Variants in NRAP observed in about 807,000 individuals in gnomAD.
NRAP encodes nebulin related anchoring protein.
Under a neutral mutation model 225.9 loss-of-function variants are expected in NRAP, and 189 were observed. That is an observed-to-expected ratio of 0.84 (90% confidence interval 0.74 to 0.94). The LOEUF (loss-of-function observed/expected upper bound fraction) is 0.94. NRAP is among the 40% of genes least tolerant of loss of function. NRAP has a pLI of 0.00. For missense variants in NRAP, 2,176 were observed against 2,168.7 expected, an observed-to-expected ratio of 1.00 and a Z score of -0.07; for synonymous variants, 769 against 790.7, an observed-to-expected ratio of 0.97 and a Z score of 0.46.
intron 38 of NRAP, among the ~76,000 whole-genome samples, chr10:113,593,832 C>A (rs1346973667): frequency 6.6e-6 from 1 of 152,230 alleles, no homozygotes; most frequent in Non-Finnish European, 1.5e-5. Flanking sequence ...GTTATTGACA[C>A]CAAACTTGAT....
rs532388631 is a variant in NRAP, at chr10:113,592,270, C to T, written c.4568G>A (p.Arg1523Gln). The T allele has an allele frequency of 6.5e-5, 105 of 1,612,398 alleles. No individual in the cohort carries two copies. In the East Asian group the frequency reaches 8.7e-4, roughly 13 times the overall value. Residue 1523 changes from arginine (R) to glutamine (Q), a missense_variant, in exon 39 of 42, where the codon CGG (arginine) becomes CAG (glutamine). Physicochemically the swap from Arg to Gln is conservative, Grantham distance 43. Transcript: ENST00000359988. Reference sequence around the variant, plus strand: ...CAGCCTGAAGTCATAACTGCCAGCCCGGGTCTGCTCCCAGGAGTTTCTGTA... The same window carrying T: ...CAGCCTGAAGTCATAACTGCCAGCCTGGGTCTGCTCCCAGGAGTTTCTGTA... Reference protein sequence around the residue: ...KVYRNSWEQTRAGSYDFRLDA... With the variant: ...KVYRNSWEQTQAGSYDFRLDA...
chr10:113,589,420 C>T lies in NRAP; in HGVS notation c.5088+246G>A, dbSNP rs886046751. Reference sequence around the variant, plus strand: ...CCCTGGCCCGGGATTGATGTAGCCCCGGTAGGTTTGCCTCTGCAGAACTAA... The same window carrying T: ...CCCTGGCCCGGGATTGATGTAGCCCTGGTAGGTTTGCCTCTGCAGAACTAA... On this transcript the variant is annotated intron_variant, in intron 41 of 41. Transcript: ENST00000359988. 21 of 587,306 alleles carry T rather than the reference C, an allele frequency of 3.6e-5. No homozygotes were observed. Among genetic ancestry groups the T allele is most frequent in the African/African-American group, 1.7e-4 (9 of 53,722 alleles). The allele number at this position is 587,306 out of a possible 1,614,324, so 36.4% of individuals were successfully genotyped here.
chr10:113,590,448 T>A (rs1592713154), intron 40 of NRAP, 130 bp downstream of exon 40: 1 of 783,902 alleles, frequency 1.3e-6, no homozygotes, highest in East Asian at 2.6e-5. Flanking sequence ...GGCACTAAAG[T>A]GTTAGGTGTC....
intron 35 of NRAP, among the ~76,000 whole-genome samples, chr10:113,600,194 T>C (rs367701465): frequency 7.4e-5 from 11 of 149,324 alleles, no homozygotes; most frequent in African/African-American, 2.5e-4. Flanking sequence ...TCTCTGGAGA[T>C]GGGGTCTCTC....
intron 38 of NRAP, among the ~76,000 whole-genome samples, chr10:113,593,398 C>T (rs1026944694): frequency 2.0e-5 from 3 of 152,296 alleles, no homozygotes; most frequent in Non-Finnish European, 4.4e-5. Context: ...GAGAGGACCA[C>T]AAAGTGCTTG....
chr10:113,645,530 G>A (rs12769107), intron 11 of NRAP, among the ~76,000 whole-genome samples: 40,616 of 152,016 alleles, frequency 0.27, 6,035 homozygotes, highest in East Asian at 0.44. Flanking sequence ...CAATTCTCCT[G>A]TCTCAGCCTC....
intron 35 of NRAP, among the ~76,000 whole-genome samples, chr10:113,602,745 C>T (rs573588017): frequency 6.6e-6 from 1 of 152,188 alleles, no homozygotes; most frequent in Non-Finnish European, 1.5e-5. Flanking sequence ...GGGCTTGGCG[C>T]AAGGAACGTA....
At chr10:113,642,309 C>A (rs1188016418) in intron 12 of NRAP, among the ~76,000 whole-genome samples, 1 of 152,134 alleles carries the variant, frequency 6.6e-6, no homozygotes, top group South Asian at 2.1e-4. Context: ...GGTATGTTGG[C>A]TCTTAAGCCA....
chr10:113,590,517 C>CCAT, intron 40 of NRAP, 61 bp downstream of exon 40: 1 of 1,521,568 alleles, frequency 6.6e-7, no homozygotes, highest in Non-Finnish European at 8.9e-7. Context: ...GGCATTATGG[C>CCAT]CATCTCTTAG....
chr10:113,655,503 T>C (rs1592874367), intron 4 of NRAP, among the ~76,000 whole-genome samples: 2 of 151,282 alleles, frequency 1.3e-5, no homozygotes, highest in Non-Finnish European at 2.9e-5. Context: ...TCACCTAGGA[T>C]GGAGTGCAGT....
intron 32 of NRAP, among the ~76,000 whole-genome samples, chr10:113,606,998 T>A (rs1451395685): frequency 6.6e-6 from 1 of 151,624 alleles, no homozygotes; most frequent in East Asian, 1.9e-4. Context: ...AGGTCAGGAG[T>A]TCGAGACCAG....
rs1044847015 is a variant in NRAP, at chr10:113,588,939, C to G, written c.*36G>C. The G allele has an allele frequency of 6.5e-6, 10 of 1,546,000 alleles. No individual in the cohort carries two copies. The highest frequency in any genetic ancestry group is 8.0e-6 in the Non-Finnish European group (9 of 1,121,462). Reference sequence around the variant, plus strand: ...AAGCCTGTCTCTGGTGAACAAACTTCCTCTCTGGCCTCTCAGGAATCAGGG... The same window carrying G: ...AAGCCTGTCTCTGGTGAACAAACTTGCTCTCTGGCCTCTCAGGAATCAGGG... On this transcript the variant is annotated 3_prime_UTR_variant, in exon 42 of 42. Coordinates refer to ENST00000359988, the MANE Select transcript of NRAP (RefSeq NM_198060.4).
intron 25 of NRAP, 150 bp downstream of exon 25, chr10:113,620,454 T>C (rs1299861879): frequency 3.2e-6 from 2 of 616,350 alleles, no homozygotes; most frequent in Non-Finnish European, 5.7e-6. Flanking sequence ...GTGGTTTCCC[T>C]CTAATTACCA....
rs1037600814 is a variant in NRAP at position 113,647,551 on chromosome 10, G to T, written c.889-524C>A. 2.3e-4 allele frequency among the ~76,000 whole-genome samples: 29 copies of T among 124,062 alleles called. 1 individual carries two copies. The highest frequency in any genetic ancestry group is 2.6e-4 in the East Asian group (1 of 3,920). 81.4% of individuals were successfully genotyped at this position (124,062 alleles called of 152,430 possible). On this transcript the variant is annotated intron_variant, in intron 9 of 41. Coordinates refer to ENST00000359988, the MANE Select transcript of NRAP (RefSeq NM_198060.4). ...TGGTACTGTCTCCCCCGGTGGTACTGTCTCCCCCAGTGGTACTGCCTCCCC... is the reference window on the plus strand; with the variant it reads ...TGGTACTGTCTCCCCCGGTGGTACTTTCTCCCCCAGTGGTACTGCCTCCCC...
intron 31 of NRAP, among the ~76,000 whole-genome samples, 186 bp downstream of exon 31, chr10:113,610,273 C>G (rs962211213): frequency 6.6e-6 from 1 of 151,412 alleles, no homozygotes; most frequent in African/African-American, 2.4e-5. Context: ...TCGCTTGAAC[C>G]CAGGAGACGG....
chr10:113,595,807 C>A (rs1248740124), intron 37 of NRAP, 80 bp from the exon 38 acceptor site: 5 of 938,948 alleles, frequency 5.3e-6, no homozygotes, highest in Non-Finnish European at 6.9e-6. Flanking sequence ...ACTCCCTTTC[C>A]TGCCCCTCCC....
chr10:113,589,949 G>T, intron 40 of NRAP, 152 bp from the exon 41 acceptor site: 1 of 865,546 alleles, frequency 1.2e-6, no homozygotes, highest in Non-Finnish European at 1.7e-6. Context: ...TTTATCATAA[G>T]CAGCATCTCC....
At chr10:113,639,774 T>C (rs1310623084) in intron 14 of NRAP, among the ~76,000 whole-genome samples, 2 of 152,242 alleles carry the variant, frequency 1.3e-5, no homozygotes, top group Non-Finnish European at 2.9e-5. Flanking sequence ...CATATACTTT[T>C]CCATGTGCTC....
chr10:113,595,416 A>G (rs965201234), intron 38 of NRAP, among the ~76,000 whole-genome samples: 3 of 146,584 alleles, frequency 2.0e-5, no homozygotes, highest in East Asian at 2.0e-4. Context: ...AGCTCAGCCC[A>G]TTACCATTTT....
Sources: allele counts gnomAD v4.1 joint callset (sites outside exome capture counted in the v4.1 genomes callset), GRCh38; gene constraint gnomAD v4.1.1; transcripts MANE v1.5; gene names NCBI Gene and HGNC (gene_info 2026-07-23, HGNC 2026-07-21).